SPAG16: variants seen among roughly 807,000 people sequenced by gnomAD.
SPAG16 encodes the protein sperm associated antigen 16, also known as sperm-associated antigen 16 protein.
In SPAG16, 86 loss-of-function variants were observed where a neutral mutation model predicts 80.4. The ratio of observed to expected loss-of-function variants is 1.07; its 90% CI spans 0.90 to 1.28. The LOEUF is 1.28. SPAG16 is among the 50% of genes most tolerant of loss of function. SPAG16 has a pLI of 0.00. For missense variants in SPAG16, 870 were observed against 765.3 expected, an observed-to-expected ratio of 1.14 and a Z score of -1.61; for synonymous variants, 294 against 265.9, an observed-to-expected ratio of 1.11 and a Z score of -1.03.
At chr2:214,075,351 C>T (rs935805333) in intron 13 of SPAG16, among the ~76,000 whole-genome samples, 32 of 151,448 alleles carry the variant, frequency 2.1e-4, no homozygotes, top group African/African-American at 6.6e-4. Context: ...TAATTATGTA[C>T]AATAGTACAT....
chr2:213,733,490 TATG>T (rs1384878137), intron 10 of SPAG16, among the ~76,000 whole-genome samples: 2 of 137,478 alleles, frequency 1.5e-5, no homozygotes, highest in Non-Finnish European at 3.1e-5. Context: ...CTGCCAGAGT[TATG>T]AAGGGATTTT....
chr2:214,055,758 A>C (rs2049903685), intron 13 of SPAG16, among the ~76,000 whole-genome samples: 2 of 152,188 alleles, frequency 1.3e-5, no homozygotes, highest in Admixed American at 1.3e-4. Flanking sequence ...CTTACAAACA[A>C]ACCAACTTAA....
intron 9 of SPAG16, among the ~76,000 whole-genome samples, chr2:213,404,340 G>T (rs546689278): frequency 6.6e-6 from 1 of 152,026 alleles, no homozygotes; most frequent in South Asian, 2.1e-4. Context: ...AAACAGCATG[G>T]TACTGGTACC....
At chr2:213,325,314 T>C (rs191129838) in intron 5 of SPAG16, among the ~76,000 whole-genome samples, 1 of 152,068 alleles carries the variant, frequency 6.6e-6, no homozygotes, top group Non-Finnish European at 1.5e-5. Flanking sequence ...CACAGAGATA[T>C]TCTGTGTTTT....
chr2:213,422,040 T>G (rs1206485854), intron 9 of SPAG16: 2 of 586,088 alleles, frequency 3.4e-6, no homozygotes. Context: ...TCATTCTTCC[T>G]GGATGTGGAA....
chr2:213,718,209 C>T (rs1021053029), intron 10 of SPAG16, among the ~76,000 whole-genome samples: 5 of 148,628 alleles, frequency 3.4e-5, no homozygotes, highest in Admixed American at 1.3e-4. Context: ...TGAACAGACA[C>T]TTCTCAAAAG....
At chr2:213,482,777 G>A (rs2073813812) in intron 9 of SPAG16, among the ~76,000 whole-genome samples, 1 of 152,054 alleles carries the variant, frequency 6.6e-6, no homozygotes, top group South Asian at 2.1e-4. Flanking sequence ...CTAGGAACCA[G>A]ATTGTTAATA....
At chr2:213,346,723 A>T (rs2065014553) in intron 6 of SPAG16, among the ~76,000 whole-genome samples, 1 of 152,298 alleles carries the variant, frequency 6.6e-6, no homozygotes, top group Non-Finnish European at 1.5e-5. Context: ...CATCCCAGGG[A>T]TGAAGCCCAC....
chr2:213,369,772 G>A, intron 8 of SPAG16, among the ~76,000 whole-genome samples: 1 of 151,950 alleles, frequency 6.6e-6, no homozygotes, highest in South Asian at 2.1e-4. Context: ...TTGAGTGGAA[G>A]GTACAGTGAT....
intron 3 of SPAG16, among the ~76,000 whole-genome samples, chr2:213,304,496 G>T (rs927710821): frequency 2.0e-5 from 3 of 151,970 alleles, no homozygotes; most frequent in Non-Finnish European, 4.4e-5. Flanking sequence ...TCTCTTAGAA[G>T]GTCCACGGTT....
At chr2:214,282,989 T>C (rs991558498) in intron 15 of SPAG16, among the ~76,000 whole-genome samples, 1 of 152,176 alleles carries the variant, frequency 6.6e-6, no homozygotes, top group Non-Finnish European at 1.5e-5. Context: ...GACAGGAGCC[T>C]CCACCTAACT....
chr2:214,088,948 A>T (rs1357503320), intron 13 of SPAG16, among the ~76,000 whole-genome samples: 2 of 152,162 alleles, frequency 1.3e-5, no homozygotes, highest in South Asian at 4.1e-4. Flanking sequence ...TGGTATATAG[A>T]TGTAAAAATA....
At chr2:213,458,078 CT>C (rs2072143429) in intron 9 of SPAG16, among the ~76,000 whole-genome samples, 1 of 151,864 alleles carries the variant, frequency 6.6e-6, no homozygotes, top group Non-Finnish European at 1.5e-5. Flanking sequence ...ATTCCCTTTC[CT>C]TTTTTGCTAT....
chr2:213,752,531 G>C (rs766644082), intron 10 of SPAG16, among the ~76,000 whole-genome samples: 2 of 152,042 alleles, frequency 1.3e-5, no homozygotes, highest in African/African-American at 4.8e-5. Context: ...TAGTGAGATC[G>C]GAAAATAAAG....
At chr2:213,877,755 A>G (rs2076195678) in intron 11 of SPAG16, among the ~76,000 whole-genome samples, 2 of 152,172 alleles carry the variant, frequency 1.3e-5, no homozygotes, top group African/African-American at 4.8e-5. Flanking sequence ...CTAATGGTCT[A>G]GTTGCCATTT....
chr2:213,331,524 G>A (rs747669008), intron 5 of SPAG16, among the ~76,000 whole-genome samples: 8 of 152,112 alleles, frequency 5.3e-5, no homozygotes, highest in Non-Finnish European at 7.4e-5. Flanking sequence ...TTTCAGTATT[G>A]GACAGGTATT....
At chr2:214,336,772 G>C (rs1697317039) in intron 15 of SPAG16, among the ~76,000 whole-genome samples, 1 of 151,466 alleles carries the variant, frequency 6.6e-6, no homozygotes, top group African/African-American at 2.4e-5. Context: ...CATAGAAATA[G>C]AGTGTTTTTG....
At chr2:214,172,515 G>T (rs541364244) in intron 15 of SPAG16, among the ~76,000 whole-genome samples, 1 of 152,224 alleles carries the variant, frequency 6.6e-6, no homozygotes, top group Admixed American at 6.6e-5. Context: ...GGACATTTGG[G>T]TTGGTTCCAA....
chr2:214,402,702 T>C (rs1701779572), intron 15 of SPAG16, among the ~76,000 whole-genome samples: 1 of 151,980 alleles, frequency 6.6e-6, no homozygotes, highest in African/African-American at 2.4e-5. Context: ...GAAGTGTTTT[T>C]TCTGCCCACT....
Sources: allele counts gnomAD v4.1 joint callset (sites outside exome capture counted in the v4.1 genomes callset), GRCh38; gene constraint gnomAD v4.1.1; transcripts MANE v1.5; gene names NCBI Gene and HGNC (gene_info 2026-07-23, HGNC 2026-07-21).